SHISA9: variants seen among roughly 807,000 people sequenced by gnomAD.
SHISA9 encodes protein shisa-9.
SHISA9 carries 13 observed loss-of-function variants against 38.0 expected under a neutral mutation model. That is an observed-to-expected ratio of 0.34 (90% CI 0.22 to 0.54). The LOEUF is 0.54. SHISA9 is among the 20% of genes least tolerant of loss of function. The pLI is 0.91. For missense variants in SHISA9, 538 were observed against 575.8 expected (o/e 0.93, Z 0.67); for synonymous variants, 275 against 242.0 (o/e 1.14, Z -1.27).
the SHISA9 span, among the ~76,000 whole-genome samples, chr16:13,515,649 C>G: frequency 6.6e-6 from 1 of 152,110 alleles, no homozygotes; most frequent in African/African-American, 2.4e-5. Context: ...ACACCAAGGT[C>G]TTATAGATAG....
the SHISA9 span, among the ~76,000 whole-genome samples, chr16:13,426,673 G>T: frequency 1.4e-4 from 21 of 152,164 alleles, no homozygotes; most frequent in African/African-American, 4.8e-4. Context: ...GGAAGCAAAG[G>T]CCACATGGCT....
At chr16:13,424,888 T>C in the SHISA9 span, among the ~76,000 whole-genome samples, 1 of 152,240 alleles carries the variant, frequency 6.6e-6, no homozygotes, top group African/African-American at 2.4e-5. Context: ...GGTATCTTTG[T>C]TTCTTTACCC....
the SHISA9 span, among the ~76,000 whole-genome samples, chr16:13,304,848 G>A: frequency 1.3e-5 from 2 of 152,204 alleles, no homozygotes; most frequent in Non-Finnish European, 1.5e-5. Context: ...CCAGAGGGCA[G>A]AAGTGTCAGC....
intron 1 of SHISA9, 57 bp from the exon 2 acceptor site, chr16:12,916,631 A>G (rs990379451): frequency 5.9e-6 from 9 of 1,527,338 alleles, no homozygotes; most frequent in Non-Finnish European, 7.9e-6. Context: ...CTCGGCGCAT[A>G]GCAGCTGCCA....
At chr16:13,548,950 T>C in the SHISA9 span, among the ~76,000 whole-genome samples, 1 of 152,176 alleles carries the variant, frequency 6.6e-6, no homozygotes, top group African/African-American at 2.4e-5. Flanking sequence ...AGCCAAGATA[T>C]AGAATCAACC....
At chr16:13,488,907 G>T in the SHISA9 span, among the ~76,000 whole-genome samples, 3 of 152,004 alleles carry the variant, frequency 2.0e-5, no homozygotes, top group Non-Finnish European at 4.4e-5. Context: ...GACTACAGGC[G>T]CCTGCCACCG....
chr16:13,409,614 T>G, the SHISA9 span, among the ~76,000 whole-genome samples: 5 of 152,232 alleles, frequency 3.3e-5, no homozygotes, highest in Non-Finnish European at 1.5e-5. Flanking sequence ...TTATAGTGAC[T>G]TAACTATACA....
At chr16:13,275,925 A>T in the SHISA9 span, among the ~76,000 whole-genome samples, 2 of 151,998 alleles carry the variant, frequency 1.3e-5, no homozygotes, top group South Asian at 4.2e-4. Flanking sequence ...TTTAAAAAAA[A>T]TTAATTTAAT....
Position 13,236,710 on chromosome 16 carries a change from G to A in SHISA9, c.*1301G>A, listed in dbSNP as rs1248608779. On this transcript the variant is annotated 3_prime_UTR_variant, in exon 5 of 5. Coordinates refer to ENST00000558583, the MANE Select transcript of SHISA9 (RefSeq NM_001145204.3). ...GAGCCCACCCCATAACACCCTCTGA[G>A]GGGCTGCTACAATGTCAGGGGTACC... is the stretch of plus-strand genomic sequence containing the variant. 1 of 152,084 alleles carries A rather than the reference G, an allele frequency of 6.6e-6. No homozygotes were observed. The allele number at this position is 152,084 out of a possible 1,614,324, so 9.4% of individuals were successfully genotyped here.
At chr16:13,560,871 G>C in the SHISA9 span, among the ~76,000 whole-genome samples, 1 of 150,992 alleles carries the variant, frequency 6.6e-6, no homozygotes, top group Non-Finnish European at 1.5e-5. Context: ...TTTTTGTTTT[G>C]TTTTGTTTTT....
the SHISA9 span, among the ~76,000 whole-genome samples, chr16:13,486,182 C>G: frequency 4.9e-3 from 752 of 152,226 alleles, 18 homozygotes; most frequent in East Asian, 0.033. Flanking sequence ...ATCTAGAACT[C>G]AGAAAGAGAC....
intron 2 of SHISA9, among the ~76,000 whole-genome samples, chr16:13,077,982 C>T (rs79956319): frequency 0.013 from 1,913 of 152,188 alleles, 35 homozygotes; most frequent in African/African-American, 0.042. Flanking sequence ...GGAGGACAAA[C>T]AGAAGCTCAA....
chr16:12,964,684 T>A (rs1268571440), intron 2 of SHISA9, among the ~76,000 whole-genome samples: 2 of 151,982 alleles, frequency 1.3e-5, no homozygotes, highest in Non-Finnish European at 2.9e-5. Context: ...AAGACTTTTG[T>A]AGAGTACAGA....
the SHISA9 span, among the ~76,000 whole-genome samples, chr16:13,558,087 TA>T: frequency 8.6e-4 from 131 of 152,256 alleles, no homozygotes; most frequent in African/African-American, 3.1e-3. Context: ...GAATAAAATA[TA>T]AACTTCCTTT....
intron 2 of SHISA9, among the ~76,000 whole-genome samples, chr16:13,024,316 C>T (rs568430826): frequency 2.4e-4 from 36 of 152,330 alleles, no homozygotes; most frequent in Middle Eastern, 6.8e-3. Flanking sequence ...GGTGTCATTG[C>T]TCTTCCTGGG....
At chr16:13,442,646 C>A in the SHISA9 span, among the ~76,000 whole-genome samples, 1 of 152,098 alleles carries the variant, frequency 6.6e-6, no homozygotes, top group African/African-American at 2.4e-5. Flanking sequence ...TATTGTACTT[C>A]AGATTTTCAA....
intron 2 of SHISA9, among the ~76,000 whole-genome samples, chr16:13,048,876 T>A (rs1005854306): frequency 2.0e-5 from 3 of 152,350 alleles, no homozygotes; most frequent in South Asian, 2.1e-4. Flanking sequence ...ATTGAGTCGA[T>A]CATTCAGATA....
the SHISA9 span, among the ~76,000 whole-genome samples, chr16:13,299,731 A>G: frequency 1.3e-5 from 2 of 151,948 alleles, no homozygotes; most frequent in African/African-American, 4.8e-5. Context: ...AAAACAAAAA[A>G]AACCCGACAA....
At position 13,120,883 on chromosome 16, in the gene SHISA9, T is replaced by C. The variant is rs56380287; in HGVS notation, c.692-82511T>C. 2.6e-3 allele frequency among the ~76,000 whole-genome samples: 393 copies of C among 152,208 alleles called. 3 individuals carry two copies. The highest frequency in any genetic ancestry group is 9.1e-3 in the African/African-American group (377 of 41,538). ...CTTTCACAGCCCATTTTACAGGTGGTCAGGGGGATTAAGAACTTTTTTTAA... is the reference window on the plus strand; with the variant it reads ...CTTTCACAGCCCATTTTACAGGTGGCCAGGGGGATTAAGAACTTTTTTTAA... On this transcript the variant is annotated intron_variant, in intron 2 of 4. Transcript: ENST00000558583.
Sources: allele counts gnomAD v4.1 joint callset (sites outside exome capture counted in the v4.1 genomes callset), GRCh38; gene constraint gnomAD v4.1.1; transcripts MANE v1.5; gene names NCBI Gene and HGNC (gene_info 2026-07-23, HGNC 2026-07-21).